BTRC: variants seen among roughly 807,000 people sequenced by gnomAD.
BTRC encodes the protein beta-transducin repeat containing E3 ubiquitin protein ligase.
A neutral mutation model predicts 85.5 loss-of-function variants in BTRC; 42 were observed. That is an observed-to-expected ratio of 0.49 (90% CI 0.38 to 0.64). The LOEUF is 0.64. BTRC is among the 30% of genes least tolerant of loss of function. The pLI is 0.00. For missense variants in BTRC, 594 were observed against 743.5 expected, an observed-to-expected ratio of 0.80 and a Z score of 2.34; for synonymous variants, 255 against 263.3, an observed-to-expected ratio of 0.97 and a Z score of 0.30.
intron 1 of BTRC, among the ~76,000 whole-genome samples, chr10:101,385,292 G>A (rs779269756): frequency 6.6e-6 from 1 of 150,988 alleles, no homozygotes; most frequent in African/African-American, 2.4e-5. Context: ...GCGTGAACCC[G>A]GGAGGTGGAG....
intron 4 of BTRC, among the ~76,000 whole-genome samples, chr10:101,497,265 C>A (rs988277751): frequency 3.3e-5 from 5 of 152,164 alleles, no homozygotes; most frequent in Admixed American, 1.3e-4. Flanking sequence ...TGTTGTTACT[C>A]TTCAAGATTA....
Position 101,442,262 on chromosome 10 carries a change from A to ATC in BTRC, c.156+11830_156+11831dup, listed in dbSNP as rs10531761. 8.8e-3 allele frequency among the ~76,000 whole-genome samples: 1,138 copies of ATC among 129,700 alleles called. 21 individuals carry two copies. Among genetic ancestry groups the ATC allele is most frequent in the African/African-American group, 0.022 (823 of 37,622 alleles). The allele number at this position is 129,700 out of a possible 152,430, so 85.1% of individuals were successfully genotyped here. ...TTGCGACTGCACTAATTGAATTAGA[A>ATC]TCTCTCTCTCTCTCTCTCTCTGTCT... On this transcript the variant is annotated intron_variant, in intron 2 of 14. Transcript: ENST00000370187.
intron 1 of BTRC, among the ~76,000 whole-genome samples, chr10:101,399,948 A>C (rs996335235): frequency 6.6e-6 from 1 of 152,208 alleles, no homozygotes; most frequent in East Asian, 1.9e-4. Context: ...TCTTAATACT[A>C]ATGTCCTGAG....
At position 101,418,570 on chromosome 10, in the gene BTRC, T is replaced by A. The variant is rs548551886; in HGVS notation, c.49-11775T>A. ...AGTGCCACCTCCCAAAATGACAGCATGATATACCTTGGCAATAGTTTAGAC... is the reference window on the plus strand; with the variant it reads ...AGTGCCACCTCCCAAAATGACAGCAAGATATACCTTGGCAATAGTTTAGAC... On this transcript the variant is annotated intron_variant, in intron 1 of 14. Coordinates refer to ENST00000370187, the MANE Select transcript of BTRC (RefSeq NM_033637.4). 3.1e-4 allele frequency among the ~76,000 whole-genome samples: 47 copies of A among 152,214 alleles called. 1 individual carries two copies. In the South Asian group the frequency reaches 9.7e-3, roughly 32 times the overall value.
chr10:101,375,906 C>T (rs1249784507), intron 1 of BTRC, among the ~76,000 whole-genome samples: 13 of 152,126 alleles, frequency 8.5e-5, no homozygotes, highest in Non-Finnish European at 1.5e-5. Flanking sequence ...ATATCTAGTC[C>T]ACTGTGTGCT....
At chr10:101,375,158 C>G (rs1173669074) in intron 1 of BTRC, among the ~76,000 whole-genome samples, 4 of 152,132 alleles carry the variant, frequency 2.6e-5, no homozygotes, top group Non-Finnish European at 5.9e-5. Context: ...GAGGTGGGGC[C>G]TGGTAGGAGG....
At chr10:101,501,133 CAGTGAGTGG>C (rs1182325764) in intron 4 of BTRC, among the ~76,000 whole-genome samples, 1 of 150,384 alleles carries the variant, frequency 6.6e-6, no homozygotes, top group Non-Finnish European at 1.5e-5. Flanking sequence ...GCAGAGGTTG[CAGTGAGTGG>C]AGTACACTGC....
chr10:101,520,769 C>T (rs1203387835), intron 4 of BTRC, among the ~76,000 whole-genome samples: 1 of 151,970 alleles, frequency 6.6e-6, no homozygotes, highest in Admixed American at 6.6e-5. Flanking sequence ...ACCAGCCTGT[C>T]CAACATGATG....
chr10:101,404,331 A>G (rs918248852), intron 1 of BTRC, among the ~76,000 whole-genome samples: 7 of 151,704 alleles, frequency 4.6e-5, no homozygotes, highest in Non-Finnish European at 7.4e-5. Flanking sequence ...CGCCCAGCCA[A>G]TCCTAGCTAT....
chr10:101,354,586 G>A (rs542206932), intron 1 of BTRC: 2 of 316,836 alleles, frequency 6.3e-6, no homozygotes, highest in African/African-American at 2.2e-5. Flanking sequence ...CGCTGGCGGG[G>A]CCTTCCTGGT....
rs972291083 is a variant in BTRC, at chr10:101,556,590, C to T, written c.*3467C>T. 2.6e-5 allele frequency: 4 copies of T among 152,142 alleles called. No homozygotes were observed. Among genetic ancestry groups the T allele is most frequent in the Non-Finnish European group, 5.9e-5 (4 of 68,042 alleles). 9.4% of individuals were successfully genotyped at this position (152,142 alleles called of 1,614,324 possible). ...ACCAACAGACCAGACCTCCTTTAAC[C>T]ACAGTGTCAACATAGTATCGGAAAG... On this transcript the variant is annotated 3_prime_UTR_variant, in exon 15 of 15. Transcript: ENST00000370187.
chr10:101,480,177 A>G (rs1031571329), intron 4 of BTRC, among the ~76,000 whole-genome samples: 2 of 152,176 alleles, frequency 1.3e-5, no homozygotes, highest in African/African-American at 4.8e-5. Context: ...TATTGCCTTT[A>G]TATCTATTCA....
chr10:101,426,366 C>T (rs139057748), intron 1 of BTRC, among the ~76,000 whole-genome samples: 132 of 152,234 alleles, frequency 8.7e-4, no homozygotes, highest in Admixed American at 1.6e-3. Context: ...TTTTCATACC[C>T]ATACCAATTG....
chr10:101,466,140 G>T (rs1945365533), intron 3 of BTRC, among the ~76,000 whole-genome samples: 1 of 152,164 alleles, frequency 6.6e-6, no homozygotes, highest in Non-Finnish European at 1.5e-5. Context: ...GGATCTGTCA[G>T]CCCTGCCTTT....
intron 13 of BTRC, among the ~76,000 whole-genome samples, chr10:101,545,999 A>G (rs2062552467): frequency 6.6e-6 from 1 of 152,248 alleles, no homozygotes; most frequent in South Asian, 2.1e-4. Context: ...ACTGCAAGGA[A>G]AAAATAGATG....
At chr10:101,492,458 A>G (rs1019129064) in intron 4 of BTRC, among the ~76,000 whole-genome samples, 2 of 152,144 alleles carry the variant, frequency 1.3e-5, no homozygotes, top group African/African-American at 2.4e-5. Flanking sequence ...ATTTACATCT[A>G]TGTGTGACGT....
At chr10:101,465,528 A>G (rs1399155811) in intron 3 of BTRC, among the ~76,000 whole-genome samples, 1 of 152,212 alleles carries the variant, frequency 6.6e-6, no homozygotes, top group Non-Finnish European at 1.5e-5. Flanking sequence ...ATGTCTATTA[A>G]ATAAATTTAA....
At chr10:101,400,927 T>C (rs188956879) in intron 1 of BTRC, among the ~76,000 whole-genome samples, 1 of 152,178 alleles carries the variant, frequency 6.6e-6, no homozygotes, top group Non-Finnish European at 1.5e-5. Flanking sequence ...TTCAGAAATA[T>C]CAAAAGCTGA....
intron 4 of BTRC, among the ~76,000 whole-genome samples, chr10:101,495,700 T>C (rs1262517741): frequency 6.6e-6 from 1 of 152,196 alleles, no homozygotes; most frequent in East Asian, 1.9e-4. Flanking sequence ...GGACAGTCTA[T>C]CTATAGCCAA....
Sources: gnomAD v4.1 joint callset for allele counts (sites outside exome capture counted in the v4.1 genomes callset) on GRCh38, gnomAD v4.1.1 for gene constraint, MANE v1.5 for transcripts, NCBI Gene and HGNC (gene_info 2026-07-23, HGNC 2026-07-21) for gene names.